The following AGBL4 variants were observed in gnomAD, a reference collection of about 807,000 sequenced individuals.
AGBL4 encodes AGBL carboxypeptidase 4.
In AGBL4, 58 loss-of-function variants were observed where a neutral mutation model predicts 66.4. The ratio of observed to expected loss-of-function variants is 0.87; its 90% CI spans 0.71 to 1.09. The LOEUF (loss-of-function observed/expected upper bound fraction) is 1.09, where lower values mean the gene tolerates loss of function less well. Among genes scored for constraint, AGBL4 ranks in the 50% least tolerant of loss-of-function variants. AGBL4 has a pLI of 0.00. For missense variants in AGBL4, 579 were observed against 631.0 expected (o/e 0.92, Z 0.88); for synonymous variants, 234 against 222.9 (o/e 1.05, Z -0.44).
intron 5 of AGBL4, among the ~76,000 whole-genome samples, chr1:48,997,357 G>A (rs1287402180): frequency 6.6e-6 from 1 of 152,228 alleles, no homozygotes; most frequent in East Asian, 1.9e-4. Context: ...AAGGCAGGGT[G>A]TGTGGGTAAG....
intron 6 of AGBL4, among the ~76,000 whole-genome samples, chr1:48,834,084 C>T (rs1646621150): frequency 6.6e-6 from 1 of 152,164 alleles, no homozygotes; most frequent in Non-Finnish European, 1.5e-5. Flanking sequence ...CAGAATCCAT[C>T]ACCTCTTTCT....
rs145703648 is a variant in AGBL4, at chr1:48,565,822, G to T, written c.1267+21182C>A. ...TGAATTGGGGAAGCCGTCTAGGGCA[G>T]TACCTGCCACATAACTGACTGCCCT... is the stretch of plus-strand genomic sequence containing the variant. On this transcript the variant is annotated intron_variant, in intron 11 of 13. Coordinates refer to ENST00000371839, the MANE Select transcript of AGBL4 (RefSeq NM_032785.4). Among the ~76,000 whole-genome samples the T allele has an allele frequency of 2.8e-3, 427 of 152,334 alleles. 2 individuals are homozygous for T. Among genetic ancestry groups the T allele is most frequent in the African/African-American group, 9.8e-3 (407 of 41,572 alleles).
At chr1:49,957,106 A>C (rs1268060563) in intron 1 of AGBL4, among the ~76,000 whole-genome samples, 2 of 152,040 alleles carry the variant, frequency 1.3e-5, no homozygotes, top group East Asian at 3.9e-4. Flanking sequence ...ATCCAAGTGT[A>C]ATTAAATAAG....
At chr1:49,246,989 A>C (rs1340368219) in intron 3 of AGBL4, among the ~76,000 whole-genome samples, 1 of 152,214 alleles carries the variant, frequency 6.6e-6, no homozygotes, top group African/African-American at 2.4e-5. Context: ...CTATAACCAT[A>C]AAAATAAATA....
chr1:49,282,450 T>C (rs1404469445), intron 3 of AGBL4, among the ~76,000 whole-genome samples: 2 of 152,112 alleles, frequency 1.3e-5, no homozygotes, highest in Non-Finnish European at 2.9e-5. Context: ...TTATACTATG[T>C]AAAACAACTT....
chr1:49,311,361 G>A (rs1351997333), intron 3 of AGBL4, among the ~76,000 whole-genome samples: 4 of 151,964 alleles, frequency 2.6e-5, no homozygotes, highest in Admixed American at 6.6e-5. Context: ...ACAGAGATAT[G>A]CAGGGACACT....
intron 4 of AGBL4, among the ~76,000 whole-genome samples, chr1:49,060,206 G>T (rs972435505): frequency 7.2e-5 from 11 of 152,056 alleles, no homozygotes; most frequent in Non-Finnish European, 1.5e-4. Context: ...CATGAGGGTG[G>T]TTACCTCCAT....
At chr1:49,352,683 A>G (rs1025899581) in intron 3 of AGBL4, among the ~76,000 whole-genome samples, 1 of 152,190 alleles carries the variant, frequency 6.6e-6, no homozygotes, top group African/African-American at 2.4e-5. Flanking sequence ...GAGGAAAATG[A>G]AGAAAAATGA....
intron 4 of AGBL4, among the ~76,000 whole-genome samples, chr1:49,226,724 C>A (rs1307400802): frequency 6.6e-6 from 1 of 152,174 alleles, no homozygotes; most frequent in Admixed American, 6.5e-5. Context: ...CTCCTTAGGT[C>A]CCCTTTTTTC....
At chr1:49,142,122 G>A (rs903598804) in intron 4 of AGBL4, among the ~76,000 whole-genome samples, 16 of 152,056 alleles carry the variant, frequency 1.1e-4, no homozygotes, top group South Asian at 1.0e-3. Context: ...TAGGTTGCAC[G>A]CTTCTTATTG....
chr1:48,961,563 T>C (rs1327168883), intron 5 of AGBL4, among the ~76,000 whole-genome samples: 1 of 152,152 alleles, frequency 6.6e-6, no homozygotes, highest in Non-Finnish European at 1.5e-5. Context: ...CTGGGGATTC[T>C]AGGAAGCGGG....
At chr1:49,993,061 C>T (rs528281891) in intron 1 of AGBL4, among the ~76,000 whole-genome samples, 1 of 152,326 alleles carries the variant, frequency 6.6e-6, no homozygotes, top group East Asian at 1.9e-4. Context: ...CTAAACCATC[C>T]TTTCCCTACT....
intron 6 of AGBL4, among the ~76,000 whole-genome samples, chr1:48,739,111 T>C (rs1319785239): frequency 6.6e-6 from 1 of 152,224 alleles, no homozygotes; most frequent in East Asian, 1.9e-4. Flanking sequence ...GTTTTCCTTT[T>C]GAGTTTCCTC....
At chr1:49,990,946 A>G (rs948777635) in intron 1 of AGBL4, among the ~76,000 whole-genome samples, 1 of 152,322 alleles carries the variant, frequency 6.6e-6, no homozygotes, top group South Asian at 2.1e-4. Context: ...CTAACATATC[A>G]TATTAAAGAT....
At chr1:49,877,990 G>C (rs1647074254) in intron 1 of AGBL4, among the ~76,000 whole-genome samples, 1 of 152,072 alleles carries the variant, frequency 6.6e-6, no homozygotes, top group East Asian at 1.9e-4. Flanking sequence ...GTATTTCTAT[G>C]GGATCGGTGG....
chr1:49,143,424 A>G (rs1477075794), intron 4 of AGBL4, among the ~76,000 whole-genome samples: 3 of 152,220 alleles, frequency 2.0e-5, no homozygotes, highest in Non-Finnish European at 4.4e-5. Context: ...ACAGCCTTTT[A>G]ACAAATAATT....
At chr1:49,671,172 G>A (rs569580974) in intron 3 of AGBL4, among the ~76,000 whole-genome samples, 3 of 152,082 alleles carry the variant, frequency 2.0e-5, no homozygotes, top group Non-Finnish European at 4.4e-5. Flanking sequence ...AGAGAGCCCG[G>A]AAATAAAGCC....
chr1:48,631,669 T>A (rs1049371124), intron 9 of AGBL4, among the ~76,000 whole-genome samples: 6 of 152,166 alleles, frequency 3.9e-5, no homozygotes, highest in Admixed American at 3.3e-4. Context: ...GCTGGGATTA[T>A]AGGGGTGAGC....
chr1:49,424,001 C>G (rs1012575356), intron 3 of AGBL4, among the ~76,000 whole-genome samples: 2 of 152,076 alleles, frequency 1.3e-5, no homozygotes, highest in Non-Finnish European at 2.9e-5. Flanking sequence ...ATTTGAATCT[C>G]TGCTTCCTTC....
Sources: gnomAD v4.1 joint callset for allele counts (sites outside exome capture counted in the v4.1 genomes callset) on GRCh38, gnomAD v4.1.1 for gene constraint, MANE v1.5 for transcripts, NCBI Gene and HGNC (gene_info 2026-07-23, HGNC 2026-07-21) for gene names.